BTBD9: variants seen among roughly 807,000 people sequenced by gnomAD.
The protein encoded by BTBD9 is BTB/POZ domain-containing protein 9.
In BTBD9, 49 loss-of-function variants were observed where a neutral mutation model predicts 64.3. The ratio of observed to expected loss-of-function variants is 0.76; its 90% confidence interval spans 0.61 to 0.97. The LOEUF is 0.97. Ranked by LOEUF, BTBD9 falls within the 50% of genes least tolerant of loss-of-function variation. The pLI is 0.00. For synonymous variants in BTBD9, 260 were observed against 274.7 expected, an observed-to-expected ratio of 0.95 and a Z score of 0.53; for missense variants, 598 against 762.1, an observed-to-expected ratio of 0.78 and a Z score of 2.53.
At chr6:38,402,570 C>A (rs1292895265) in intron 6 of BTBD9, among the ~76,000 whole-genome samples, 1 of 152,118 alleles carries the variant, frequency 6.6e-6, no homozygotes, top group Non-Finnish European at 1.5e-5. Flanking sequence ...GCTGCCAAGA[C>A]AATTCAAAGG....
At chr6:38,561,472 T>A (rs889621524) in intron 6 of BTBD9, among the ~76,000 whole-genome samples, 2 of 152,036 alleles carry the variant, frequency 1.3e-5, no homozygotes, top group Non-Finnish European at 2.9e-5. Context: ...ATAAATTGTT[T>A]TACAAAAAAG....
chr6:38,260,185 T>C (rs1360218943), intron 8 of BTBD9, among the ~76,000 whole-genome samples: 1 of 152,230 alleles, frequency 6.6e-6, no homozygotes, highest in Non-Finnish European at 1.5e-5. Flanking sequence ...GCTCTGTTCA[T>C]GGCATATGTT....
chr6:38,564,383 T>C (rs1404497620), intron 6 of BTBD9, among the ~76,000 whole-genome samples: 1 of 152,112 alleles, frequency 6.6e-6, no homozygotes, highest in Non-Finnish European at 1.5e-5. Context: ...TTTTGTTGAA[T>C]AAATGAGGAA....
intron 1 of BTBD9, among the ~76,000 whole-genome samples, chr6:38,636,578 A>G (rs985511028): frequency 2.6e-5 from 4 of 152,308 alleles, no homozygotes; most frequent in East Asian, 1.9e-4. Flanking sequence ...AAATGTAGAG[A>G]TTTTAACATC....
At chr6:38,187,060 A>G (rs1582017000) in intron 10 of BTBD9, among the ~76,000 whole-genome samples, 1 of 152,240 alleles carries the variant, frequency 6.6e-6, no homozygotes, top group Non-Finnish European at 1.5e-5. Context: ...TTAAGGATGT[A>G]GGCATGTGCC....
At chr6:38,553,792 G>A (rs1244378598) in intron 6 of BTBD9, among the ~76,000 whole-genome samples, 1 of 151,946 alleles carries the variant, frequency 6.6e-6, no homozygotes, top group East Asian at 1.9e-4. Context: ...GTTCAAGGCT[G>A]CAGTGAGCTA....
chr6:38,171,880 A>AAT lies in BTBD9; in HGVS notation c.*3104_*3105insAT, dbSNP rs59861811. 1.0e-4 allele frequency: 9 copies of AAT among 89,522 alleles called. No individual in the cohort carries two copies. The highest frequency in any genetic ancestry group is 1.4e-4 in the Non-Finnish European group (7 of 50,180). 5.5% of individuals were successfully genotyped at this position (89,522 alleles called of 1,614,324 possible). A position where few individuals can be genotyped will look rare whatever the true frequency, so the allele number is the denominator to read the frequency against. On this transcript the variant is annotated 3_prime_UTR_variant, in exon 11 of 11. Transcript: ENST00000481247. ...AAAAAAAAAAAAAAAAAAAAAAAAA[A>AAT]AATAATAATAATAATAATAATAATA...
chr6:38,380,857 G>A (rs1214290289), intron 6 of BTBD9, among the ~76,000 whole-genome samples: 1 of 151,544 alleles, frequency 6.6e-6, no homozygotes, highest in Non-Finnish European at 1.5e-5. Context: ...CAAAGGAAAA[G>A]GAAAAAGGGT....
At chr6:38,530,186 T>C (rs553656398) in intron 6 of BTBD9, among the ~76,000 whole-genome samples, 26 of 152,266 alleles carry the variant, frequency 1.7e-4, no homozygotes, top group Admixed American at 8.5e-4. Context: ...CCTGGCAAAT[T>C]TGTGGTCAGA....
chr6:38,547,677 C>T (rs1349587473), intron 6 of BTBD9, among the ~76,000 whole-genome samples: 1 of 152,174 alleles, frequency 6.6e-6, no homozygotes. Flanking sequence ...TCCTGCACCA[C>T]CTCTCCTTCT....
At chr6:38,345,403 C>T (rs761532859) in intron 6 of BTBD9, among the ~76,000 whole-genome samples, 1 of 152,302 alleles carries the variant, frequency 6.6e-6, no homozygotes. Context: ...GGTACATGAC[C>T]GTAAGACATT....
At chr6:38,206,144 C>G (rs756489778) in intron 9 of BTBD9, among the ~76,000 whole-genome samples, 4 of 151,280 alleles carry the variant, frequency 2.6e-5, no homozygotes, top group African/African-American at 9.7e-5. Flanking sequence ...TCTGACAACA[C>G]AAATTGTGTT....
chr6:38,341,243 T>C (rs1218646040), intron 7 of BTBD9, among the ~76,000 whole-genome samples: 1 of 152,232 alleles, frequency 6.6e-6, no homozygotes, highest in Non-Finnish European at 1.5e-5. Flanking sequence ...ATTGGAACAC[T>C]GACTGCATAT....
At chr6:38,480,323 C>T (rs1175467679) in intron 6 of BTBD9, among the ~76,000 whole-genome samples, 2 of 152,206 alleles carry the variant, frequency 1.3e-5, no homozygotes, top group African/African-American at 4.8e-5. Flanking sequence ...ATTCAACACT[C>T]AGAGTACCTC....
At chr6:38,596,531 T>TG (rs1309579876) in intron 2 of BTBD9, among the ~76,000 whole-genome samples, 1 of 150,944 alleles carries the variant, frequency 6.6e-6, no homozygotes, top group African/African-American at 2.4e-5. Context: ...CCAGGTGCAG[T>TG]GGCTCAAGCC....
intron 6 of BTBD9, among the ~76,000 whole-genome samples, chr6:38,422,059 C>T (rs1232414768): frequency 6.6e-6 from 1 of 152,102 alleles, no homozygotes; most frequent in Non-Finnish European, 1.5e-5. Flanking sequence ...TGTAAACCTC[C>T]GTACAAAGTT....
chr6:38,224,863 C>T (rs1763341015), intron 9 of BTBD9, among the ~76,000 whole-genome samples: 1 of 152,220 alleles, frequency 6.6e-6, no homozygotes, highest in Non-Finnish European at 1.5e-5. Flanking sequence ...GTTTACAAGG[C>T]TTGGTCATTC....
chr6:38,191,713 C>T (rs1484112559), intron 10 of BTBD9, among the ~76,000 whole-genome samples: 1 of 152,178 alleles, frequency 6.6e-6, no homozygotes, highest in Admixed American at 6.5e-5. Flanking sequence ...CCCAGGCATC[C>T]TGGCTCAGGG....
At chr6:38,452,147 T>C (rs1378305721) in intron 6 of BTBD9, among the ~76,000 whole-genome samples, 3 of 152,146 alleles carry the variant, frequency 2.0e-5, no homozygotes, top group African/African-American at 7.2e-5. Context: ...TTGATGTCAC[T>C]AAACTATGTA....
Sources: gnomAD v4.1 joint callset for allele counts (sites outside exome capture counted in the v4.1 genomes callset) on GRCh38, gnomAD v4.1.1 for gene constraint, MANE v1.5 for transcripts, NCBI Gene and HGNC (gene_info 2026-07-23, HGNC 2026-07-21) for gene names.